Variants in SLC6A4 observed in about 807,000 individuals in gnomAD.
The protein encoded by SLC6A4 is sodium-dependent serotonin transporter.
Under a neutral mutation model 73.4 loss-of-function variants are expected in SLC6A4, and 22 were observed. The ratio of observed to expected loss-of-function variants is 0.30; its 90% confidence interval spans 0.21 to 0.43. The LOEUF is 0.43. Ranked by LOEUF, SLC6A4 falls within the 20% of genes least tolerant of loss-of-function variation. The pLI, the probability that SLC6A4 is intolerant of heterozygous loss-of-function variation, is 1.00. For missense variants in SLC6A4, 593 were observed against 808.5 expected, an observed-to-expected ratio of 0.73 and a Z score of 3.23; for synonymous variants, 270 against 315.5, an observed-to-expected ratio of 0.86 and a Z score of 1.53.
intron 14 of SLC6A4, among the ~76,000 whole-genome samples, chr17:30,199,177 G>C (rs1295939562): frequency 2.0e-5 from 3 of 152,146 alleles, no homozygotes; most frequent in Non-Finnish European, 4.4e-5. Context: ...GGCTGAGAAG[G>C]TCTACTATAG....
At chr17:30,212,669 G>T in intron 9 of SLC6A4, 71 bp downstream of exon 9, 2 of 1,527,500 alleles carry the variant, frequency 1.3e-6, no homozygotes, top group South Asian at 1.2e-5. Flanking sequence ...TCAAAAGTTA[G>T]ATCTTTACAA....
chr17:30,225,682 G>A (rs956587550), intron 1 of SLC6A4, among the ~76,000 whole-genome samples: 1 of 152,182 alleles, frequency 6.6e-6, no homozygotes, highest in Non-Finnish European at 1.5e-5. Context: ...GTTCCAGGCT[G>A]AGCTGGTGAC....
intron 14 of SLC6A4, among the ~76,000 whole-genome samples, chr17:30,200,150 G>T (rs55993458): frequency 8.1e-4 from 124 of 152,360 alleles, no homozygotes; most frequent in Non-Finnish European, 1.4e-3. Context: ...GGCCCGCAAT[G>T]AACGACGTCA....
At chr17:30,219,795 T>G (rs991883381) in intron 3 of SLC6A4, among the ~76,000 whole-genome samples, 4 of 152,206 alleles carry the variant, frequency 2.6e-5, no homozygotes, top group African/African-American at 9.6e-5. Flanking sequence ...CAGCTGTGAT[T>G]TTCCCTAATT....
chr17:30,222,143 T>A, intron 2 of SLC6A4, 62 bp from the exon 3 acceptor site: 2 of 1,024,526 alleles, frequency 2.0e-6, no homozygotes, highest in Non-Finnish European at 2.9e-6. Flanking sequence ...TCTTTGGTAT[T>A]AACTCATCAT....
intron 8 of SLC6A4, among the ~76,000 whole-genome samples, chr17:30,213,307 T>C (rs925860677): frequency 9.4e-5 from 14 of 148,264 alleles, no homozygotes; most frequent in South Asian, 2.1e-4. Context: ...TTTTTCTTTT[T>C]TTTTTTTTTT....
At chr17:30,208,204 C>A (rs1475507543) in intron 12 of SLC6A4, among the ~76,000 whole-genome samples, 1 of 152,108 alleles carries the variant, frequency 6.6e-6, no homozygotes, top group African/African-American at 2.4e-5. Flanking sequence ...GGTGCCACAC[C>A]GCCTTCCTGA....
At chr17:30,218,988 A>T (rs1298881584) in intron 3 of SLC6A4, 57 bp from the exon 4 acceptor site, 3 of 1,604,318 alleles carry the variant, frequency 1.9e-6, no homozygotes, top group Non-Finnish European at 1.7e-6. Flanking sequence ...AGGATAGCCC[A>T]ACCAATCTGT....
intron 1 of SLC6A4, among the ~76,000 whole-genome samples, chr17:30,223,513 G>C (rs540710201): frequency 3.9e-5 from 6 of 152,340 alleles, no homozygotes; most frequent in African/African-American, 1.4e-4. Context: ...CTATAAACAT[G>C]AGCAAGGATT....
chr17:30,213,810 G>C (rs1379001330), intron 8 of SLC6A4, among the ~76,000 whole-genome samples: 1 of 152,060 alleles, frequency 6.6e-6, no homozygotes, highest in Admixed American at 6.5e-5. Context: ...GCAGTGGCAT[G>C]AACACAGCTC....
intron 3 of SLC6A4, among the ~76,000 whole-genome samples, chr17:30,219,274 AG>A (rs1318954553): frequency 6.6e-6 from 1 of 152,168 alleles, no homozygotes; most frequent in Non-Finnish European, 1.5e-5. Context: ...TCCCTATAAA[AG>A]AACACAGTTG....
Position 30,235,214 on chromosome 17 carries a change from A to G in SLC6A4, c.-221+399T>C, listed in dbSNP as rs1039712014. 6.6e-6 allele frequency among the ~76,000 whole-genome samples: 1 copy of G among 152,232 alleles called. No individual in the cohort carries two copies. The highest frequency in any genetic ancestry group is 1.5e-5 in the Non-Finnish European group (1 of 68,038). Reference sequence around the variant, plus strand: ...AGCCACCTGCACGCGATGACAGCAAAGTAAAGATCAAACATAAACCATGGG... The same window carrying G: ...AGCCACCTGCACGCGATGACAGCAAGGTAAAGATCAAACATAAACCATGGG... On this transcript the variant is annotated intron_variant, in intron 1 of 14. Coordinates refer to ENST00000650711, the MANE Select transcript of SLC6A4 (RefSeq NM_001045.6). This position sits in a 1 kb window ranked among gnomAD's most constrained non-coding sequence, Gnocchi z 4.5.
intron 13 of SLC6A4, chr17:30,203,647 A>T: frequency 3.0e-6 from 1 of 335,092 alleles, no homozygotes; most frequent in Non-Finnish European, 5.6e-6. Context: ...CCACTTCAGC[A>T]CAGGCCTCTG....
At chr17:30,201,107 G>C (rs1906019021) in intron 14 of SLC6A4, among the ~76,000 whole-genome samples, 2 of 152,074 alleles carry the variant, frequency 1.3e-5, no homozygotes, top group Admixed American at 1.3e-4. Context: ...ACTTGCCTTA[G>C]TCCAGCAGTC....
intron 9 of SLC6A4, among the ~76,000 whole-genome samples, chr17:30,212,374 T>A (rs997087288): frequency 6.6e-6 from 1 of 152,174 alleles, no homozygotes; most frequent in African/African-American, 2.4e-5. Flanking sequence ...GCATCGAGCT[T>A]CTCTCAAATC....
chr17:30,212,198 T>C (rs969868118), intron 9 of SLC6A4, among the ~76,000 whole-genome samples: 3 of 152,198 alleles, frequency 2.0e-5, no homozygotes, highest in Admixed American at 6.5e-5. Flanking sequence ...ATTTGCTTAC[T>C]AGACTTTGAG....
Position 30,225,319 on chromosome 17 carries a change from G to A in SLC6A4, c.-220-2404C>T, listed in dbSNP as rs947757733. On this transcript the variant is annotated intron_variant, in intron 1 of 14. Transcript: ENST00000650711. Reference sequence around the variant, plus strand: ...TGCCAGGAGAAGATGCCATGTGCCCGGGGCCCTTTCTGCCTGCAAGCTCCT... The same window carrying A: ...TGCCAGGAGAAGATGCCATGTGCCCAGGGCCCTTTCTGCCTGCAAGCTCCT... Among the ~76,000 whole-genome samples the A allele has an allele frequency of 3.9e-5, 6 of 152,182 alleles. No homozygotes were observed. In the East Asian group the frequency reaches 7.7e-4, roughly 20 times the overall value.
intron 1 of SLC6A4, among the ~76,000 whole-genome samples, chr17:30,232,770 G>A (rs1907151149): frequency 6.6e-6 from 1 of 152,222 alleles, no homozygotes; most frequent in Non-Finnish European, 1.5e-5. Flanking sequence ...TTGACATTCA[G>A]TAAATGAGCA....
Position 30,207,779 on chromosome 17 carries a change from AC to A in SLC6A4, c.1602del (p.Trp535GlyfsTer23), listed in dbSNP as rs1398104638. 1.2e-6 allele frequency: 2 copies of A among 1,613,756 alleles called. No individual in the cohort carries two copies. Among genetic ancestry groups the A allele is most frequent in the Non-Finnish European group, 1.7e-6 (2 of 1,179,930 alleles). On this transcript the variant is annotated frameshift_variant, in exon 13 of 15. Coordinates refer to ENST00000650711, the MANE Select transcript of SLC6A4 (RefSeq NM_001045.6). LOFTEE classifies it high-confidence loss of function. The stretch of plus-strand genomic sequence containing the variant: ...GCCACCCAGCAGATCCTCCAGAACC[AC>A]CCCGGGCTGAAGCCGAGCATTTCCT... ...DVKEMLGFSPGWFWRICWVAI... is the reference protein window; with the variant it reads ...DVKEMLGFSPXWFWRICWVAI...
Sources: allele counts gnomAD v4.1 joint callset (sites outside exome capture counted in the v4.1 genomes callset), GRCh38; gene constraint gnomAD v4.1.1; non-coding constraint Gnocchi (gnomAD v3.1); transcripts MANE v1.5; gene names NCBI Gene and HGNC (gene_info 2026-07-23, HGNC 2026-07-21).